LARP4B: variants seen among roughly 807,000 people sequenced by gnomAD.
LARP4B encodes the protein la-related protein 4B.
Under a neutral mutation model 89.8 loss-of-function variants are expected in LARP4B, and 12 were observed. The observed-to-expected ratio is 0.13, with a 90% CI of 0.09 to 0.22. The LOEUF (loss-of-function observed/expected upper bound fraction) is 0.22, where lower values mean the gene tolerates loss of function less well. LARP4B is among the 10% of genes least tolerant of loss of function. The pLI, the probability that LARP4B is intolerant of heterozygous loss-of-function variation, is 1.00. For missense variants in LARP4B, 757 were observed against 947.7 expected (o/e 0.80, Z 2.64); for synonymous variants, 367 against 363.3 (o/e 1.01, Z -0.12).
intron 1 of LARP4B, among the ~76,000 whole-genome samples, chr10:916,676 C>G (rs918507020): frequency 2.0e-5 from 3 of 152,166 alleles, no homozygotes; most frequent in African/African-American, 7.2e-5. Context: ...GCCTGGGCAA[C>G]AAGAGTGAAA....
intron 2 of LARP4B, among the ~76,000 whole-genome samples, chr10:885,305 A>T (rs1345263334): frequency 1.3e-5 from 2 of 152,086 alleles, no homozygotes; most frequent in Admixed American, 1.3e-4. Flanking sequence ...ATGCTTCTCC[A>T]CAACTGTCAA....
In LARP4B at chr10:920,599, C is replaced by T. The variant is rs145783501; in HGVS notation, c.-40+10829G>A. 4.7e-4 allele frequency among the ~76,000 whole-genome samples: 71 copies of T among 152,052 alleles called. No individual in the cohort carries two copies. In the East Asian group the frequency reaches 0.013, roughly 27 times the overall value. ...GACCAGCCTGGCCAATATGGAGAAA[C>T]CCTGTCTCTACTAAAACTATAAAAA... is the stretch of plus-strand genomic sequence containing the variant. On this transcript the variant is annotated intron_variant, in intron 1 of 17. Coordinates refer to ENST00000316157, the MANE Select transcript of LARP4B (RefSeq NM_015155.3).
chr10:869,990 A>G, intron 3 of LARP4B: 2 of 902,938 alleles, frequency 2.2e-6, no homozygotes, highest in Non-Finnish European at 2.7e-6. Context: ...GCACAATAGT[A>G]AACACACAGA....
At chr10:873,461 C>A in intron 3 of LARP4B, 1 of 972,094 alleles carries the variant, frequency 1.0e-6, no homozygotes, top group Non-Finnish European at 1.2e-6. Context: ...AAATATTATC[C>A]CAGCCAGAAA....
chr10:817,867 G>A lies in LARP4B; in HGVS notation c.1553C>T (p.Thr518Met), dbSNP rs542552091. Reference sequence around the variant, plus strand: ...GCTTGGCGACGGAGGCTTTGGTGGCGTTGGAGACTGTGTCTGGCTGCTCTG... The same window carrying A: ...GCTTGGCGACGGAGGCTTTGGTGGCATTGGAGACTGTGTCTGGCTGCTCTG... ...KFTSSQTQSP[T>M]PPKPPSPSFE... Residue 518 changes from threonine to methionine, a missense_variant, in exon 15 of 18, where the codon ACG becomes ATG. Thr to Met is a moderately conservative substitution (Grantham distance 81). Around this residue, in one of 5 missense-constraint regions of LARP4B, gnomAD observed 387 missense variants for 423.6 expected, o/e 0.91. Coordinates refer to ENST00000316157, the MANE Select transcript of LARP4B (RefSeq NM_015155.3). The A allele has an allele frequency of 1.1e-5, 18 of 1,614,036 alleles. No individual in the cohort carries two copies. In the Admixed American group the frequency reaches 1.2e-4, roughly 10 times the overall value.
At chr10:866,266 C>A (rs1281588729) in intron 3 of LARP4B, among the ~76,000 whole-genome samples, 1 of 152,214 alleles carries the variant, frequency 6.6e-6, no homozygotes, top group Non-Finnish European at 1.5e-5. Context: ...ATATTATAAT[C>A]AAGAAGCACC....
chr10:854,007 TATTCTAAATCC>T (rs1464912882), intron 5 of LARP4B, among the ~76,000 whole-genome samples: 1 of 152,256 alleles, frequency 6.6e-6, no homozygotes, highest in Admixed American at 6.5e-5. Flanking sequence ...GTTTATGGAA[TATTCTAAATCC>T]TTTGTTGTCA....
Position 845,029 on chromosome 10 carries a change from G to C in LARP4B, c.457C>G (p.Gln153Glu), listed in dbSNP as rs1369169609. The C allele has an allele frequency of 6.2e-7, 1 of 1,609,430 alleles. No homozygotes were observed. The highest frequency in any genetic ancestry group is 8.5e-7 in the Non-Finnish European group (1 of 1,178,882). ...TTAAGTACTTCTCGGGGGTCTTCCT[G>C]GCTGTCTGGTTGAGACTCATTTCCT... ...TGGNESQPDSQEDPREVLKKT... is the reference protein window; with the variant it reads ...TGGNESQPDSEEDPREVLKKT... The change falls in exon 6 of 18, where the codon CAG becomes GAG. Residue 153 changes from glutamine to glutamate, a missense_variant. Physicochemically the swap from Gln to Glu is conservative, Grantham distance 29 (BLOSUM62 2). Around this residue, in one of 5 missense-constraint regions of LARP4B, gnomAD observed 54 missense variants for 96.0 expected, o/e 0.56. Transcript: ENST00000316157.
the LARP4B span, among the ~76,000 whole-genome samples, chr10:945,500 T>C: frequency 0.21 from 32,322 of 150,726 alleles, 3,813 homozygotes; most frequent in East Asian, 0.43. Context: ...TCCTGGCTAA[T>C]ATGGTGAAAC....
intron 1 of LARP4B, among the ~76,000 whole-genome samples, chr10:921,746 A>C (rs1285055912): frequency 6.6e-6 from 1 of 152,204 alleles, no homozygotes; most frequent in African/African-American, 2.4e-5. Context: ...TCCCATTTCC[A>C]GTCCTTTCAT....
the LARP4B span, among the ~76,000 whole-genome samples, chr10:946,729 A>T: frequency 3.9e-5 from 6 of 152,170 alleles, no homozygotes; most frequent in Admixed American, 6.5e-5. Context: ...CAGAGCAGTT[A>T]TATCAATTTT....
rs1393458780 is a variant in LARP4B at position 854,427 on chromosome 10, A to G, written c.430+9316T>C. Among the ~76,000 whole-genome samples, 9 of 152,354 alleles carry G rather than the reference A, an allele frequency of 5.9e-5. No individual in the cohort carries two copies. The East Asian group carries it at 1.3e-3, about 23-fold the overall frequency. Reference sequence around the variant, plus strand: ...GTATTTTTTAAATAAGAAAATTTGAAAACACAATGACTCCTTGATCCATAG... The same window carrying G: ...GTATTTTTTAAATAAGAAAATTTGAGAACACAATGACTCCTTGATCCATAG... On this transcript the variant is annotated intron_variant, in intron 5 of 17. Coordinates refer to ENST00000316157, the MANE Select transcript of LARP4B (RefSeq NM_015155.3).
the LARP4B span, chr10:972,693 A>G: frequency 2.2e-6 from 1 of 457,268 alleles, no homozygotes; most frequent in Non-Finnish European, 4.4e-6. Context: ...AGAATCAAAC[A>G]CTGAGAATAT....
intron 3 of LARP4B, among the ~76,000 whole-genome samples, chr10:879,331 G>A (rs776313167): frequency 2.0e-5 from 3 of 152,330 alleles, no homozygotes; most frequent in South Asian, 2.1e-4. Context: ...CAAGTTCTCC[G>A]AAGTACCAGG....
the LARP4B span, among the ~76,000 whole-genome samples, chr10:969,715 C>T: frequency 6.6e-6 from 1 of 151,910 alleles, no homozygotes; most frequent in Non-Finnish European, 1.5e-5. Context: ...AACAGCACAG[C>T]AAGACTCTGT....
At chr10:918,108 A>G (rs1667306442) in intron 1 of LARP4B, among the ~76,000 whole-genome samples, 2 of 152,222 alleles carry the variant, frequency 1.3e-5, no homozygotes, top group Non-Finnish European at 2.9e-5. Flanking sequence ...CATGAAATTC[A>G]AAGACTACAG....
Position 816,759 on chromosome 10 carries a change from A to G in LARP4B, c.1695+966T>C, listed in dbSNP as rs1396762891. Reference sequence around the variant, plus strand: ...ATGTACTCAATCTCCAAACAGGAGCATGACCATCTACCAATATGAAAAGGA... The same window carrying G: ...ATGTACTCAATCTCCAAACAGGAGCGTGACCATCTACCAATATGAAAAGGA... On this transcript the variant is annotated intron_variant, in intron 15 of 17. Coordinates refer to ENST00000316157, the MANE Select transcript of LARP4B (RefSeq NM_015155.3). Among the ~76,000 whole-genome samples, 3 of 152,234 alleles carry G rather than the reference A, an allele frequency of 2.0e-5. No individual in the cohort carries two copies. The East Asian group carries it at 5.8e-4, about 29-fold the overall frequency.
chr10:914,940 G>A (rs1836779905), intron 1 of LARP4B, among the ~76,000 whole-genome samples: 3 of 151,886 alleles, frequency 2.0e-5, no homozygotes, highest in Non-Finnish European at 4.4e-5. Context: ...AATCAAGCTT[G>A]CTAAATTAGA....
At chr10:970,530 C>T in the LARP4B span, among the ~76,000 whole-genome samples, 1 of 152,142 alleles carries the variant, frequency 6.6e-6, no homozygotes, top group African/African-American at 2.4e-5. Context: ...TTTGCACAGC[C>T]GTCCTTTGAA....
Sources: allele counts gnomAD v4.1 joint callset (sites outside exome capture counted in the v4.1 genomes callset), GRCh38; gene constraint gnomAD v4.1.1; regional missense constraint gnomAD v4.1.1; transcripts MANE v1.5; gene names NCBI Gene and HGNC (gene_info 2026-07-23, HGNC 2026-07-21).